The following RYR3 variants were observed in gnomAD, a reference collection of about 807,000 sequenced individuals.
RYR3 encodes ryanodine receptor 3, also known as brain ryanodine receptor-calcium release channel.
Under a neutral mutation model 584.3 loss-of-function variants are expected in RYR3, and 207 were observed. The ratio of observed to expected loss-of-function variants is 0.35; its 90% CI spans 0.32 to 0.40. RYR3 has a LOEUF of 0.40. RYR3 is among the 10% of genes least tolerant of loss of function. RYR3 has a pLI of 1.00. For synonymous variants in RYR3, 2,416 were observed against 2,248.5 expected (o/e 1.07, Z -2.11); for missense variants, 5,616 against 6,089.2 (o/e 0.92, Z 2.59).
intron 91 of RYR3, among the ~76,000 whole-genome samples, 194 bp downstream of exon 91, chr15:33,842,229 A>G (rs1352995515): frequency 6.6e-6 from 1 of 152,204 alleles, no homozygotes; most frequent in Non-Finnish European, 1.5e-5. Flanking sequence ...GAGCCTGGAA[A>G]GAACCACAGT....
chr15:33,671,805 C>CTTTTTT (rs56206846), intron 38 of RYR3, among the ~76,000 whole-genome samples: 130 of 80,222 alleles, frequency 1.6e-3, no homozygotes, highest in African/African-American at 3.9e-3. Context: ...CCTTCTTTTT[C>CTTTTTT]TTTTTTTTTT....
intron 8 of RYR3, among the ~76,000 whole-genome samples, chr15:33,544,391 A>G (rs2056072976): frequency 6.6e-6 from 1 of 152,152 alleles, no homozygotes. Flanking sequence ...AATTTGGGAC[A>G]GCAGTGAGTC....
At chr15:33,652,602 C>A in intron 31 of RYR3, 116 bp from the exon 32 acceptor site, 1 of 1,082,558 alleles carries the variant, frequency 9.2e-7, no homozygotes, top group Non-Finnish European at 1.3e-6. Flanking sequence ...TGGGGCTGAA[C>A]AGAAAGCTTC....
intron 1 of RYR3, among the ~76,000 whole-genome samples, chr15:33,366,987 T>C (rs1975595703): frequency 2.0e-5 from 3 of 152,242 alleles, no homozygotes; most frequent in Admixed American, 2.0e-4. Context: ...GTACCTGATA[T>C]TAGCGTGGCC....
intron 1 of RYR3, among the ~76,000 whole-genome samples, chr15:33,442,964 A>G (rs1244928115): frequency 6.6e-6 from 1 of 152,174 alleles, no homozygotes; most frequent in Non-Finnish European, 1.5e-5. Flanking sequence ...GGAATTACAA[A>G]CTTCATAAAC....
intron 3 of RYR3, among the ~76,000 whole-genome samples, chr15:33,508,132 G>A (rs1030553981): frequency 2.6e-5 from 4 of 152,052 alleles, no homozygotes; most frequent in Non-Finnish European, 5.9e-5. Flanking sequence ...TAAGGGCTCC[G>A]GTTTTCTCTA....
intron 1 of RYR3, among the ~76,000 whole-genome samples, chr15:33,419,677 C>G (rs1222862904): frequency 6.6e-6 from 1 of 152,096 alleles, no homozygotes. Flanking sequence ...TTCTTTATCT[C>G]TAAAACTTTG....
intron 11 of RYR3, among the ~76,000 whole-genome samples, chr15:33,564,482 C>T (rs2057589845): frequency 6.6e-6 from 1 of 152,166 alleles, no homozygotes; most frequent in South Asian, 2.1e-4. Flanking sequence ...GGGCTGCACG[C>T]TGGGAATAAG....
intron 16 of RYR3, among the ~76,000 whole-genome samples, chr15:33,594,710 C>T (rs2059289587): frequency 6.6e-6 from 1 of 152,042 alleles, no homozygotes; most frequent in South Asian, 2.1e-4. Context: ...GATTATAAAC[C>T]CACCTTTTAG....
intron 2 of RYR3, among the ~76,000 whole-genome samples, chr15:33,477,442 T>A (rs1366802544): frequency 6.6e-6 from 1 of 151,984 alleles, no homozygotes. Context: ...CTCCCAGGAC[T>A]TTGATTCCTG....
Position 33,827,278 on chromosome 15 carries a change from G to A in RYR3, c.11325G>A (p.Leu3775=). The change falls in exon 85 of 104, where the codon CTG becomes CTA. Residue 3775 remains leucine, a synonymous_variant. Coordinates refer to ENST00000634891, the MANE Select transcript of RYR3 (RefSeq NM_001036.6). ...NVIISTVDYL[L]RLQESISDFY... The stretch of plus-strand genomic sequence containing the variant: ...TCATCAGCACTGTGGACTACCTTCT[G>A]CGTCTGCAGGTGAGTGGGAGGGCCT... 1.3e-6 allele frequency: 2 copies of A among 1,553,104 alleles called. 1 individual carries two copies. Among genetic ancestry groups the A allele is most frequent in the South Asian group, 2.4e-5 (2 of 84,092 alleles).
chr15:33,670,606 A>C (rs2063786510), intron 38 of RYR3, 50 bp downstream of exon 38: 2 of 1,507,310 alleles, frequency 1.3e-6, no homozygotes, highest in South Asian at 2.7e-5. Flanking sequence ...AGACTTAATT[A>C]ATGTAACTTT....
At chr15:33,420,081 C>G (rs1249596507) in intron 1 of RYR3, among the ~76,000 whole-genome samples, 1 of 152,168 alleles carries the variant, frequency 6.6e-6, no homozygotes, top group African/African-American at 2.4e-5. Flanking sequence ...GAGATGCAAC[C>G]TATAATTATG....
intron 53 of RYR3, among the ~76,000 whole-genome samples, chr15:33,747,845 T>C (rs1285844491): frequency 6.6e-6 from 1 of 152,210 alleles, no homozygotes; most frequent in Non-Finnish European, 1.5e-5. Flanking sequence ...CCATTCCTGT[T>C]CTTCGTCTAC....
chr15:33,826,728 T>C lies in RYR3; in HGVS notation c.11221T>C (p.Leu3741=). The C allele has an allele frequency of 6.2e-7, 1 of 1,613,364 alleles. No individual in the cohort carries two copies. The highest frequency in any genetic ancestry group is 8.5e-7 in the Non-Finnish European group (1 of 1,179,592). ...FTRDLFRFLQ[L]LCEGHNSDFQ... is the part of the protein sequence containing the mutation. ...GCGTGATCTCTTTAGATTCCTACAG[T>C]TACTTTGTGAGGGACATAACAGTGG... is the stretch of plus-strand genomic sequence containing the variant. Residue 3741 remains leucine, a synonymous_variant, in exon 84 of 104, where the codon TTA becomes CTA. Coordinates refer to ENST00000634891, the MANE Select transcript of RYR3 (RefSeq NM_001036.6).
At position 33,840,953 on chromosome 15, in the gene RYR3, C is replaced by T. The variant is rs12324885; in HGVS notation, c.13037+70C>T. The T allele has an allele frequency of 1.9e-3, 2,642 of 1,408,302 alleles. 20 individuals are homozygous for T. Among genetic ancestry groups the T allele is most frequent in the African/African-American group, 0.019 (1,330 of 71,016 alleles). 87.2% of individuals were successfully genotyped at this position (1,408,302 alleles called of 1,614,324 possible). On this transcript the variant is annotated intron_variant, in intron 90 of 103. Coordinates refer to ENST00000634891, the MANE Select transcript of RYR3 (RefSeq NM_001036.6). Reference sequence around the variant, plus strand: ...AATTCTTAGGCCAGGCAGAGTGGCTCGCACCTGTAATCCCAGCACTTTGAG... The same window carrying T: ...AATTCTTAGGCCAGGCAGAGTGGCTTGCACCTGTAATCCCAGCACTTTGAG...
At chr15:33,501,967 T>TA (rs1161213089) in intron 2 of RYR3, among the ~76,000 whole-genome samples, 4 of 152,276 alleles carry the variant, frequency 2.6e-5, no homozygotes, top group South Asian at 4.1e-4. Context: ...ATGGTTTTAA[T>TA]AAAAAAGGAT....
chr15:33,596,495 TG>T (rs71117157), intron 16 of RYR3, among the ~76,000 whole-genome samples: 66,210 of 133,994 alleles, frequency 0.49, 16,186 homozygotes, highest in East Asian at 0.81. Context: ...GTTCTTTTTT[TG>T]GGGGGGGGGG....
intron 1 of RYR3, among the ~76,000 whole-genome samples, chr15:33,424,693 C>T (rs2044477265): frequency 6.6e-6 from 1 of 152,190 alleles, no homozygotes; most frequent in Non-Finnish European, 1.5e-5. Context: ...GGTCTAGGCT[C>T]ACCTATCTCT....
Sources: allele counts gnomAD v4.1 joint callset (sites outside exome capture counted in the v4.1 genomes callset), GRCh38; gene constraint gnomAD v4.1.1; transcripts MANE v1.5; gene names NCBI Gene and HGNC (gene_info 2026-07-23, HGNC 2026-07-21).